Variants in SNX9 observed in about 807,000 individuals in gnomAD.
The protein encoded by SNX9 is sorting nexin 9.
Under a neutral mutation model 89.4 loss-of-function variants are expected in SNX9, and 44 were observed. The observed-to-expected ratio is 0.49, with a 90% CI of 0.39 to 0.63. The LOEUF (loss-of-function observed/expected upper bound fraction) is 0.63. SNX9 is among the 30% of genes least tolerant of loss of function. The pLI is 0.00. For missense variants in SNX9, 578 were observed against 736.1 expected (o/e 0.79, Z 2.49); for synonymous variants, 236 against 247.8 (o/e 0.95, Z 0.45).
chr6:157,891,624 G>A (rs1782863357), intron 4 of SNX9, among the ~76,000 whole-genome samples: 1 of 152,176 alleles, frequency 6.6e-6, no homozygotes, highest in South Asian at 2.1e-4. Flanking sequence ...GAATCTTTTG[G>A]GGGAAACATT....
chr6:157,913,839 C>T (rs907195818), intron 9 of SNX9, among the ~76,000 whole-genome samples: 2 of 152,200 alleles, frequency 1.3e-5, no homozygotes, highest in African/African-American at 4.8e-5. Context: ...TTGTTCTTTT[C>T]GTGGCCAATA....
rs1183591527 is a variant in SNX9 at position 157,914,463 on chromosome 6, CTTTTTCTTTTTTTT to C, written c.949+4444_949+4457del. Among the ~76,000 whole-genome samples, 3 of 96,632 alleles carry C rather than the reference CTTTTTCTTTTTTTT, an allele frequency of 3.1e-5. No homozygotes were observed. In the Admixed American group the frequency reaches 3.7e-4, roughly 12 times the overall value. The allele number at this position is 96,632 out of a possible 152,430, so 63.4% of individuals were successfully genotyped here. On this transcript the variant is annotated intron_variant, in intron 9 of 17. Coordinates refer to ENST00000392185, the MANE Select transcript of SNX9 (RefSeq NM_016224.5). The stretch of plus-strand genomic sequence containing the variant: ...CAGCTGTGGCTTGGCTTGTCATTTT[CTTTTTCTTTTTTTT>C]TTTTTTTTTTTTTTTGGAGACAGGG...
chr6:157,861,123 T>G (rs1470078665), intron 1 of SNX9, among the ~76,000 whole-genome samples: 9 of 152,232 alleles, frequency 5.9e-5, no homozygotes, highest in African/African-American at 2.2e-4. Context: ...TATTTAAAAA[T>G]TTTTATTCAT....
intron 1 of SNX9, among the ~76,000 whole-genome samples, chr6:157,850,084 A>G (rs1007062433): frequency 2.0e-5 from 3 of 152,166 alleles, no homozygotes; most frequent in Non-Finnish European, 4.4e-5. Context: ...AAGGAAGAAA[A>G]CCAGAGGAGG....
At chr6:157,919,127 C>G (rs1309355879) in intron 9 of SNX9, among the ~76,000 whole-genome samples, 5 of 152,136 alleles carry the variant, frequency 3.3e-5, no homozygotes, top group Admixed American at 3.3e-4. Context: ...TCCTTTAATA[C>G]TTCTTATAAT....
In SNX9 at chr6:157,835,251, G is replaced by A. The variant is rs1781560757; in HGVS notation, c.12+11805G>A. 2.6e-5 allele frequency among the ~76,000 whole-genome samples: 4 copies of A among 152,198 alleles called. No homozygotes were observed. In the South Asian group the frequency reaches 8.3e-4, roughly 32 times the overall value. On this transcript the variant is annotated intron_variant, in intron 1 of 17. Coordinates refer to ENST00000392185, the MANE Select transcript of SNX9 (RefSeq NM_016224.5). ...CAGTTTCAAACTCCTGACACCAAGT[G>A]ATCCACCTGCCTCGGCCCCTCAAAG... is the stretch of plus-strand genomic sequence containing the variant.
chr6:157,905,094 C>G (rs1380657187), intron 6 of SNX9, among the ~76,000 whole-genome samples: 2 of 152,186 alleles, frequency 1.3e-5, no homozygotes, highest in Non-Finnish European at 2.9e-5. Flanking sequence ...GCCCCTAAGG[C>G]TACCTAAGTG....
intron 10 of SNX9, among the ~76,000 whole-genome samples, chr6:157,922,160 C>T (rs764280409): frequency 1.8e-4 from 27 of 152,184 alleles, no homozygotes; most frequent in Non-Finnish European, 3.7e-4. Flanking sequence ...TCTCTCTCTG[C>T]CTGCCCCTGT....
chr6:157,923,493 A>G (rs1783626018), intron 10 of SNX9, among the ~76,000 whole-genome samples: 1 of 152,140 alleles, frequency 6.6e-6, no homozygotes, highest in Admixed American at 6.5e-5. Flanking sequence ...AATAAATACA[A>G]GAAAATGTAC....
chr6:157,928,071 C>A (rs935127277), intron 11 of SNX9, among the ~76,000 whole-genome samples: 6 of 152,184 alleles, frequency 3.9e-5, no homozygotes, highest in African/African-American at 1.4e-4. Context: ...AATGACCTCA[C>A]ACTAGACATT....
intron 13 of SNX9, among the ~76,000 whole-genome samples, chr6:157,933,056 C>A (rs1359216214): frequency 2.6e-5 from 4 of 151,902 alleles, no homozygotes; most frequent in Non-Finnish European, 5.9e-5. Flanking sequence ...CTTATGAGAG[C>A]AAGTTAGCTC....
chr6:157,840,010 A>C (rs1781663774), intron 1 of SNX9, among the ~76,000 whole-genome samples: 2 of 152,306 alleles, frequency 1.3e-5, no homozygotes, highest in South Asian at 4.2e-4. Flanking sequence ...AAAAAACAAG[A>C]AAGCCTCACT....
intron 4 of SNX9, among the ~76,000 whole-genome samples, chr6:157,877,381 G>A (rs187398886): frequency 2.4e-4 from 36 of 152,228 alleles, no homozygotes; most frequent in Admixed American, 4.6e-4. Flanking sequence ...AAGCATAGCC[G>A]TCATTAATTT....
At chr6:157,852,319 A>G (rs1781929768) in intron 1 of SNX9, among the ~76,000 whole-genome samples, 1 of 152,226 alleles carries the variant, frequency 6.6e-6, no homozygotes, top group African/African-American at 2.4e-5. Context: ...TGGAGTAGAA[A>G]TTAATTTGAA....
rs572950217 is a variant in SNX9 at position 157,828,553 on chromosome 6, G to A, written c.12+5107G>A. Among the ~76,000 whole-genome samples, 7 of 152,180 alleles carry A rather than the reference G, an allele frequency of 4.6e-5. No homozygotes were observed. The South Asian group carries it at 1.5e-3, about 32-fold the overall frequency. On this transcript the variant is annotated intron_variant, in intron 1 of 17. Transcript: ENST00000392185. ...TTGTCATCCAGGCTGGAGTGCAGTG[G>A]CACGAACACAGCTCACGGCAGTCTC...
chr6:157,878,924 TG>T (rs1361678641), intron 4 of SNX9, among the ~76,000 whole-genome samples: 6 of 139,752 alleles, frequency 4.3e-5, no homozygotes, highest in Non-Finnish European at 3.1e-5. Flanking sequence ...GGCTGTCCTT[TG>T]GTGGGGGAAG....
chr6:157,928,410 A>T (rs1783738920), intron 11 of SNX9, among the ~76,000 whole-genome samples, 189 bp from the exon 12 acceptor site: 1 of 152,270 alleles, frequency 6.6e-6, no homozygotes, highest in African/African-American at 2.4e-5. Context: ...GCGAAGTTAA[A>T]ATATAAATCA....
At chr6:157,870,693 G>C (rs891961526) in intron 2 of SNX9, among the ~76,000 whole-genome samples, 1 of 142,086 alleles carries the variant, frequency 7.0e-6, no homozygotes, top group Admixed American at 7.2e-5. Flanking sequence ...ACACCCTGCA[G>C]ATAGTCTCAC....
chr6:157,905,721 C>G (rs918843624), intron 6 of SNX9, among the ~76,000 whole-genome samples: 7 of 152,192 alleles, frequency 4.6e-5, no homozygotes, highest in Non-Finnish European at 8.8e-5. Context: ...TGAAAGGCAA[C>G]TTTAATTTGG....
Sources: gnomAD v4.1 joint callset for allele counts (sites outside exome capture counted in the v4.1 genomes callset) on GRCh38, gnomAD v4.1.1 for gene constraint, MANE v1.5 for transcripts, NCBI Gene and HGNC (gene_info 2026-07-23, HGNC 2026-07-21) for gene names.